The following SPRYD3 variants were observed in gnomAD, a reference collection of about 807,000 sequenced individuals.
The protein encoded by SPRYD3 is SPRY domain containing 3, also known as SPRY domain-containing protein 3.
A neutral mutation model predicts 50.1 loss-of-function variants in SPRYD3; 17 were observed. The ratio of observed to expected loss-of-function variants is 0.34; its 90% confidence interval spans 0.23 to 0.51. SPRYD3 has a LOEUF of 0.51. Ranked by LOEUF, SPRYD3 falls within the 20% of genes least tolerant of loss-of-function variation. The pLI, the probability that SPRYD3 is intolerant of heterozygous loss-of-function variation, is 0.97. For synonymous variants in SPRYD3, 198 were observed against 215.5 expected, an observed-to-expected ratio of 0.92 and a Z score of 0.71; for missense variants, 401 against 591.2, an observed-to-expected ratio of 0.68 and a Z score of 3.34.
Position 53,074,134 on chromosome 12 carries a change from A to G in SPRYD3, c.507+515T>C, listed in dbSNP as rs1393553485. ...CCCAATGTGGGAGATGGAGTTGGAG[A>G]GAAGGGAGAGAGCTGTGTGTCTCTC... On this transcript the variant is annotated intron_variant, in intron 5 of 10. Transcript: ENST00000301463. This position sits in a 1 kb window ranked among gnomAD's most constrained non-coding sequence, Gnocchi z 4.6. Among the ~76,000 whole-genome samples, 2 of 152,170 alleles carry G rather than the reference A, an allele frequency of 1.3e-5. No individual in the cohort carries two copies. Among genetic ancestry groups the G allele is most frequent in the Non-Finnish European group, 2.9e-5 (2 of 68,032 alleles).
intron 6 of SPRYD3, among the ~76,000 whole-genome samples, chr12:53,070,887 A>G (rs1207846285): frequency 6.6e-6 from 1 of 152,210 alleles, no homozygotes; most frequent in Non-Finnish European, 1.5e-5. Flanking sequence ...TGGTGGGGGA[A>G]GATGGAGCCC....
Position 53,066,709 on chromosome 12 carries a change from A to G in SPRYD3, c.902-17T>C, listed in dbSNP as rs1411678270. 3 of 1,595,752 alleles carry G rather than the reference A, an allele frequency of 1.9e-6. No homozygotes were observed. In the East Asian group the frequency reaches 6.7e-5, roughly 36 times the overall value. On this transcript the variant is annotated splice_polypyrimidine_tract_variant and intron_variant, in intron 8 of 10. Transcript: ENST00000301463. The stretch of plus-strand genomic sequence containing the variant: ...TCCCATCGTCTGTTGGAGGGAGGGG[A>G]AAGGACAAACACTTGAGGAAGGAGG...
chr12:53,074,711 T>C lies in SPRYD3; in HGVS notation c.445A>G (p.Ile149Val). The C allele has an allele frequency of 6.2e-7, 1 of 1,614,254 alleles. No homozygotes were observed. ...CNSGDRIGCG[I>V]EPVSFDVQTA... Reference sequence around the variant, plus strand: ...TGCACATCAAAGGACACAGGCTCAATGCCACAGCCAATCCGGTCCCCGGAG... The same window carrying C: ...TGCACATCAAAGGACACAGGCTCAACGCCACAGCCAATCCGGTCCCCGGAG... Residue 149 changes from isoleucine (I) to valine (V), a missense_variant, in exon 5 of 11, where the codon ATT becomes GTT. Physicochemically the swap from Ile to Val is conservative, Grantham distance 29 (BLOSUM62 3). Transcript: ENST00000301463. The surrounding 1 kb of genome is among the most constrained non-coding windows in gnomAD (Gnocchi z 4.6).
Position 53,068,203 on chromosome 12 carries a change from G to A in SPRYD3, c.795C>T (p.Ile265=), listed in dbSNP as rs764323751. ...STRSHYFEVE[I]VDPGEKCYIA... ...TGTAGCATTTCTCTCCAGGGTCCAC[G>A]ATCTCCACCTCGAAGTAGTGGCTGC... Residue 265 remains isoleucine (I), a synonymous_variant, in exon 7 of 11, where the codon ATC becomes ATT. Transcript: ENST00000301463. The A allele has an allele frequency of 1.2e-6, 2 of 1,614,188 alleles. No homozygotes were observed. Among genetic ancestry groups the A allele is most frequent in the South Asian group, 1.1e-5 (1 of 91,086 alleles).
In SPRYD3 at chr12:53,079,357, A is replaced by C; in HGVS notation, c.-24T>G. 7 of 1,602,630 alleles carry C rather than the reference A, an allele frequency of 4.4e-6. No homozygotes were observed. Among genetic ancestry groups the C allele is most frequent in the Non-Finnish European group, 6.0e-6 (7 of 1,175,204 alleles). On this transcript the variant is annotated 5_prime_UTR_variant, in exon 1 of 11. Transcript: ENST00000301463. ...ATCCATAGGCCTCTCAGCTCCGCAC[A>C]CAAGCTCTTCGGCCGCCGCCACCAC...
At chr12:53,077,040 T>C in intron 2 of SPRYD3, 75 bp downstream of exon 2, 1 of 1,473,576 alleles carries the variant, frequency 6.8e-7, no homozygotes, top group South Asian at 1.2e-5. Context: ...AAAATAAAAG[T>C]TAAAAAAAAA....
chr12:53,065,658 A>G lies in SPRYD3; in HGVS notation c.*174T>C. 1.5e-6 allele frequency: 1 copy of G among 658,938 alleles called. No homozygotes were observed. Among genetic ancestry groups the G allele is most frequent in the Non-Finnish European group, 2.6e-6 (1 of 377,974 alleles). 40.8% of individuals were successfully genotyped at this position (658,938 alleles called of 1,614,324 possible). ...AGGGACTGACAACAGTGGCAGCACC[A>G]GGTCAGAAACGTGGGCACAGAGAAG... On this transcript the variant is annotated 3_prime_UTR_variant, in exon 11 of 11. Coordinates refer to ENST00000301463, the MANE Select transcript of SPRYD3 (RefSeq NM_032840.3).
intron 1 of SPRYD3, chr12:53,078,196 A>T (rs1255921941): frequency 2.4e-5 from 10 of 410,096 alleles, no homozygotes; most frequent in Non-Finnish European, 4.5e-5. Context: ...AAAGAAAAAA[A>T]AATGCCATGA....
chr12:53,075,473 G>A (rs1483326913), intron 3 of SPRYD3, among the ~76,000 whole-genome samples: 2 of 152,138 alleles, frequency 1.3e-5, no homozygotes, highest in African/African-American at 2.4e-5. Context: ...TGGGTTAGGG[G>A]ACATGAGTCA....
chr12:53,075,673 T>C, intron 3 of SPRYD3, 63 bp downstream of exon 3: 1 of 1,326,560 alleles, frequency 7.5e-7, no homozygotes, highest in South Asian at 1.2e-5. Flanking sequence ...AGGAGCTTCT[T>C]GGGGCTTAAT....
intron 1 of SPRYD3, chr12:53,077,936 C>A: frequency 3.6e-6 from 1 of 280,600 alleles, no homozygotes; most frequent in South Asian, 3.1e-5. Context: ...CCTGCAATCC[C>A]AGCACCTTGG....
intron 10 of SPRYD3, 66 bp from the exon 11 acceptor site, chr12:53,066,032 G>T: frequency 6.4e-7 from 1 of 1,562,114 alleles, no homozygotes; most frequent in Non-Finnish European, 8.7e-7. Context: ...GGATGCTGGA[G>T]CTCCACAGGC....
Position 53,074,284 on chromosome 12 carries a change from C to G in SPRYD3, c.507+365G>C, listed in dbSNP as rs1044971379. On this transcript the variant is annotated intron_variant, in intron 5 of 10. Coordinates refer to ENST00000301463, the MANE Select transcript of SPRYD3 (RefSeq NM_032840.3). This position sits in a 1 kb window ranked among gnomAD's most constrained non-coding sequence, Gnocchi z 4.6. Reference sequence around the variant, plus strand: ...GACATATCCCCAAAAGTGCTCAAGTCAAAACCCAAAGAGGACCTCCAGCTT... The same window carrying G: ...GACATATCCCCAAAAGTGCTCAAGTGAAAACCCAAAGAGGACCTCCAGCTT... Among the ~76,000 whole-genome samples, 2 of 152,196 alleles carry G rather than the reference C, an allele frequency of 1.3e-5. No individual in the cohort carries two copies. The highest frequency in any genetic ancestry group is 1.5e-5 in the Non-Finnish European group (1 of 68,032).
chr12:53,066,682 C>T lies in SPRYD3; in HGVS notation c.912G>A (p.Lys304=). Residue 304 remains lysine, a synonymous_variant, in exon 9 of 11, where the codon AAG becomes AAA. Transcript: ENST00000301463. ...CCCCCACACCACTGCCATGGAAGATCTTCCCATCGTCTGTTGGAGGGAGGG... is the reference window on the plus strand; with the variant it reads ...CCCCCACACCACTGCCATGGAAGATTTTCCCATCGTCTGTTGGAGGGAGGG... ...GSVAYHADDG[K]IFHGSGVGDP... 1 of 1,610,486 alleles carries T rather than the reference C, an allele frequency of 6.2e-7. No homozygotes were observed. The highest frequency in any genetic ancestry group is 1.1e-5 in the South Asian group (1 of 90,700).
chr12:53,073,256 G>GCCCCGGGGGGGGGGCC, intron 6 of SPRYD3, 30 bp downstream of exon 6: 2 of 424,134 alleles, frequency 4.7e-6, no homozygotes, highest in East Asian at 3.8e-5. Context: ...CTCCGACCCA[G>GCCCCGGGGGGGGGGCC]CCCCTCCCAC....
Position 53,073,566 on chromosome 12 carries a change from C to T in SPRYD3, c.508-95G>A, listed in dbSNP as rs545575372. The T allele has an allele frequency of 3.5e-5, 37 of 1,062,076 alleles. No homozygotes were observed. In the African/African-American group the frequency reaches 3.7e-4, roughly 11 times the overall value. The allele number at this position is 1,062,076 out of a possible 1,614,324, so 65.8% of individuals were successfully genotyped here. On this transcript the variant is annotated intron_variant, in intron 5 of 10. Transcript: ENST00000301463. Reference sequence around the variant, plus strand: ...GTACTTTTAAGATGATGCAACCAGCCGGGCGTGGTGGCTCACGCCTGTAAT... The same window carrying T: ...GTACTTTTAAGATGATGCAACCAGCTGGGCGTGGTGGCTCACGCCTGTAAT...
At chr12:53,071,811 G>A (rs942972412) in intron 6 of SPRYD3, among the ~76,000 whole-genome samples, 5 of 151,768 alleles carry the variant, frequency 3.3e-5, no homozygotes, top group African/African-American at 1.2e-4. Context: ...GTTGGCCCCA[G>A]AGGAACGGGT....
At chr12:53,069,107 C>T (rs1421123191) in intron 6 of SPRYD3, among the ~76,000 whole-genome samples, 1 of 152,084 alleles carries the variant, frequency 6.6e-6, no homozygotes. Flanking sequence ...ATGGTCCTGC[C>T]TGGGCACGAC....
At position 53,066,695 on chromosome 12, in the gene SPRYD3, G is replaced by T. The variant is rs1302740253; in HGVS notation, c.902-3C>A. On this transcript the variant is annotated splice_region_variant and splice_polypyrimidine_tract_variant and intron_variant, in intron 8 of 10. Transcript: ENST00000301463. ...GCCATGGAAGATCTTCCCATCGTCT[G>T]TTGGAGGGAGGGGAAAGGACAAACA... is the stretch of plus-strand genomic sequence containing the variant. 2 of 1,604,700 alleles carry T rather than the reference G, an allele frequency of 1.2e-6. No individual in the cohort carries two copies. The highest frequency in any genetic ancestry group is 1.7e-5 in the Admixed American group (1 of 59,322).
Sources: gnomAD v4.1 joint callset for allele counts (sites outside exome capture counted in the v4.1 genomes callset) on GRCh38, gnomAD v4.1.1 for gene constraint, Gnocchi (gnomAD v3.1) non-coding constraint, MANE v1.5 for transcripts, NCBI Gene and HGNC (gene_info 2026-07-23, HGNC 2026-07-21) for gene names.